SCUBE1: variants seen among roughly 807,000 people sequenced by gnomAD.
The protein encoded by SCUBE1 is signal peptide, CUB domain and EGF like domain containing 1.
SCUBE1 carries 59 observed loss-of-function variants against 124.4 expected under a neutral mutation model. That is an observed-to-expected ratio of 0.47 (90% CI 0.38 to 0.59). The LOEUF is 0.59. Ranked by LOEUF, SCUBE1 falls within the 20% of genes least tolerant of loss-of-function variation. SCUBE1 has a pLI of 0.00. For missense variants in SCUBE1, 1,150 were observed against 1,371.2 expected (o/e 0.84, Z 2.55); for synonymous variants, 545 against 550.9 (o/e 0.99, Z 0.15).
intron 3 of SCUBE1, among the ~76,000 whole-genome samples, chr22:43,304,143 A>G (rs949498604): frequency 2.6e-5 from 4 of 152,176 alleles, no homozygotes; most frequent in Admixed American, 6.5e-5. Context: ...TTTGTTTCTC[A>G]TGACTCCCTG....
chr22:43,299,771 C>A (rs142134382), intron 3 of SCUBE1, among the ~76,000 whole-genome samples: 1 of 152,122 alleles, frequency 6.6e-6, no homozygotes. Context: ...GACCTGTGCC[C>A]GTTTTCGGTT....
intron 9 of SCUBE1, among the ~76,000 whole-genome samples, chr22:43,228,523 G>A (rs1159751857): frequency 6.6e-6 from 1 of 152,172 alleles, no homozygotes; most frequent in East Asian, 1.9e-4. Flanking sequence ...GCGGGCTCAC[G>A]CAGCCTGCAT....
intron 15 of SCUBE1, among the ~76,000 whole-genome samples, chr22:43,214,514 A>G (rs997800015): frequency 6.6e-6 from 1 of 152,216 alleles, no homozygotes; most frequent in African/African-American, 2.4e-5. Context: ...ACCCGCTTAT[A>G]GAAGCCTGTG....
At chr22:43,312,111 G>A (rs1926191371) in intron 3 of SCUBE1, among the ~76,000 whole-genome samples, 1 of 152,232 alleles carries the variant, frequency 6.6e-6, no homozygotes, top group Non-Finnish European at 1.5e-5. Context: ...TGTTAGGTGA[G>A]AGGGTTTTTA....
At position 43,203,822 on chromosome 22, in the gene SCUBE1, G is replaced by T; in HGVS notation, c.*175C>A. The T allele has an allele frequency of 1.6e-6, 1 of 621,308 alleles. No individual in the cohort carries two copies. Among genetic ancestry groups the T allele is most frequent in the Non-Finnish European group, 2.7e-6 (1 of 365,260 alleles). The allele number at this position is 621,308 out of a possible 1,614,324, so 38.5% of individuals were successfully genotyped here. A position where few individuals can be genotyped will look rare whatever the true frequency, so the allele number is the denominator to read the frequency against. Reference sequence around the variant, plus strand: ...CTTCCTGAAGCAGGGTGCTCCCACAGGGGCAGCGGGTCCGAAGGGTGCCTG... The same window carrying T: ...CTTCCTGAAGCAGGGTGCTCCCACATGGGCAGCGGGTCCGAAGGGTGCCTG... On this transcript the variant is annotated 3_prime_UTR_variant, in exon 22 of 22. Transcript: ENST00000360835.
chr22:43,229,525 A>G (rs1922467718), intron 8 of SCUBE1, among the ~76,000 whole-genome samples: 1 of 152,150 alleles, frequency 6.6e-6, no homozygotes, highest in African/African-American at 2.4e-5. Context: ...AGAGGCATTG[A>G]ATCCACGCCT....
At chr22:43,294,719 T>C (rs917548340) in intron 3 of SCUBE1, among the ~76,000 whole-genome samples, 1 of 152,174 alleles carries the variant, frequency 6.6e-6, no homozygotes, top group African/African-American at 2.4e-5. Context: ...CCTCCTGGAA[T>C]GCCTGTGGTG....
chr22:43,241,955 C>G (rs1923023253), intron 6 of SCUBE1, among the ~76,000 whole-genome samples: 1 of 152,260 alleles, frequency 6.6e-6, no homozygotes, highest in Non-Finnish European at 1.5e-5. Flanking sequence ...GCTTCGGGGC[C>G]TGGGGCAGGC....
chr22:43,300,683 A>G (rs1925739061), intron 3 of SCUBE1, among the ~76,000 whole-genome samples: 1 of 151,884 alleles, frequency 6.6e-6, no homozygotes, highest in African/African-American at 2.4e-5. Context: ...TGTGGACACC[A>G]CCTCCTTTCA....
intron 13 of SCUBE1, 45 bp downstream of exon 13, chr22:43,221,128 C>T (rs746291527): frequency 1.3e-6 from 2 of 1,512,750 alleles, no homozygotes; most frequent in Non-Finnish European, 1.8e-6. Context: ...GAGGACTCTC[C>T]TACAGCCCCG....
rs1481924244 is a variant in SCUBE1, at chr22:43,197,754, G to A, written c.*6243C>T. 2 of 152,264 alleles carry A rather than the reference G, an allele frequency of 1.3e-5. No individual in the cohort carries two copies. Among genetic ancestry groups the A allele is most frequent in the African/African-American group, 4.8e-5 (2 of 41,458 alleles). The allele number at this position is 152,264 out of a possible 1,614,324, so 9.4% of individuals were successfully genotyped here. On this transcript the variant is annotated 3_prime_UTR_variant, in exon 22 of 22. Coordinates refer to ENST00000360835, the MANE Select transcript of SCUBE1 (RefSeq NM_173050.5). Reference sequence around the variant, plus strand: ...TGAGCCTCTGGCTGTGTCTGCTCACGTCGGCACAGTGAGTACCCTGTCCGC... The same window carrying A: ...TGAGCCTCTGGCTGTGTCTGCTCACATCGGCACAGTGAGTACCCTGTCCGC...
In SCUBE1 at chr22:43,255,356, CA is replaced by C. The variant is rs1342944672; in HGVS notation, c.727+2862del. On this transcript the variant is annotated intron_variant, in intron 6 of 21. Coordinates refer to ENST00000360835, the MANE Select transcript of SCUBE1 (RefSeq NM_173050.5). This position sits in a 1 kb window ranked among gnomAD's most constrained non-coding sequence, Gnocchi z 4.7. Reference sequence around the variant, plus strand: ...ACCCCACAACACAGACATATGCCCCCACACGCACACGTCACACCCACACACA... The same window carrying C: ...ACCCCACAACACAGACATATGCCCCCCACGCACACGTCACACCCACACACA... The C allele has an allele frequency of 5.1e-6, 4 of 782,968 alleles. No homozygotes were observed. In the East Asian group the frequency reaches 1.1e-4, roughly 21 times the overall value. The allele number at this position is 782,968 out of a possible 1,614,324, so 48.5% of individuals were successfully genotyped here. A position where few individuals can be genotyped will look rare whatever the true frequency, so the allele number is the denominator to read the frequency against.
chr22:43,258,214 C>CT lies in SCUBE1; in HGVS notation c.727+4dup. Reference sequence around the variant, plus strand: ...GGGTGGTGTGTGGCAGAGGTGCCTACTTACCGATGCACGTGCGACCGTCTG... The same window carrying CT: ...GGGTGGTGTGTGGCAGAGGTGCCTACTTTACCGATGCACGTGCGACCGTCTG... On this transcript the variant is annotated splice_donor_region_variant and intron_variant, in intron 6 of 21. Transcript: ENST00000360835. This position sits in a 1 kb window ranked among gnomAD's most constrained non-coding sequence, Gnocchi z 5.0. The CT allele has an allele frequency of 1.2e-6, 2 of 1,606,042 alleles. No homozygotes were observed. The highest frequency in any genetic ancestry group is 1.3e-5 in the African/African-American group (1 of 74,850).
chr22:43,227,341 G>T, intron 10 of SCUBE1, 33 bp downstream of exon 10: 1 of 1,595,592 alleles, frequency 6.3e-7, no homozygotes, highest in African/African-American at 1.3e-5. Flanking sequence ...CCAGGTGCAG[G>T]GGAGGGGCCA....
At chr22:43,261,637 T>C (rs1319641562) in intron 5 of SCUBE1, among the ~76,000 whole-genome samples, 5 of 152,260 alleles carry the variant, frequency 3.3e-5, no homozygotes, top group Non-Finnish European at 7.3e-5. Context: ...GGTCATTTTC[T>C]TTATGACAGC....
chr22:43,249,786 C>T (rs1029462554), intron 6 of SCUBE1, among the ~76,000 whole-genome samples: 6 of 152,338 alleles, frequency 3.9e-5, no homozygotes, highest in African/African-American at 1.2e-4. Flanking sequence ...TGCAGCCACG[C>T]GGCCCAGAGG....
intron 6 of SCUBE1, among the ~76,000 whole-genome samples, chr22:43,251,693 G>A (rs947196137): frequency 1.3e-5 from 2 of 152,206 alleles, no homozygotes; most frequent in African/African-American, 4.8e-5. Flanking sequence ...GCCTCCAGAA[G>A]GAAACAGCCC....
At chr22:43,310,678 G>A (rs1347670999) in intron 3 of SCUBE1, among the ~76,000 whole-genome samples, 2 of 152,336 alleles carry the variant, frequency 1.3e-5, no homozygotes, top group South Asian at 2.1e-4. Context: ...TAAATGTGAG[G>A]TAGTTTTTTA....
At position 43,200,630 on chromosome 22, in the gene SCUBE1, C is replaced by A. The variant is rs1286076127; in HGVS notation, c.*3367G>T. 1 of 152,376 alleles carries A rather than the reference C, an allele frequency of 6.6e-6. No homozygotes were observed. The highest frequency in any genetic ancestry group is 1.5e-5 in the Non-Finnish European group (1 of 68,134). The allele number at this position is 152,376 out of a possible 1,614,324, so 9.4% of individuals were successfully genotyped here. On this transcript the variant is annotated 3_prime_UTR_variant, in exon 22 of 22. Transcript: ENST00000360835. ...TAGTTTAACGGGGGACCCCCAAGTT[C>A]CCTGGTGTGAGACTGATGTGGAGAC...
Sources: gnomAD v4.1 joint callset for allele counts (sites outside exome capture counted in the v4.1 genomes callset) on GRCh38, gnomAD v4.1.1 for gene constraint, Gnocchi (gnomAD v3.1) non-coding constraint, MANE v1.5 for transcripts, NCBI Gene and HGNC (gene_info 2026-07-23, HGNC 2026-07-21) for gene names.